Variants in LRRC37A3 observed in about 807,000 individuals in gnomAD.
LRRC37A3 encodes leucine-rich repeat-containing protein 37A3.
In LRRC37A3, 25 loss-of-function variants were observed where a neutral mutation model predicts 106.2. That is an observed-to-expected ratio of 0.24 (90% CI 0.17 to 0.33). LRRC37A3 has a LOEUF of 0.33. LRRC37A3 is among the 10% of genes least tolerant of loss of function. LRRC37A3 has a pLI of 1.00. For missense variants in LRRC37A3, 712 were observed against 1,644.9 expected (o/e 0.43, Z 9.81); for synonymous variants, 305 against 635.8 (o/e 0.48, Z 7.83).
intron 8 of LRRC37A3, among the ~76,000 whole-genome samples, chr17:64,877,569 G>A (rs1317687372): frequency 2.0e-5 from 3 of 152,182 alleles, no homozygotes; most frequent in African/African-American, 7.2e-5. Flanking sequence ...ATAGCAGTTA[G>A]GTTGGGCATT....
At position 64,858,842 on chromosome 17, in the gene LRRC37A3, G is replaced by A; in HGVS notation, c.4746C>T (p.Leu1582=). The change falls in exon 13 of 15, where the codon CTC becomes CTT. Residue 1582 remains leucine, a synonymous_variant. Coordinates refer to ENST00000584306, the MANE Select transcript of LRRC37A3 (RefSeq NM_199340.5). Reference sequence around the variant, plus strand: ...TTCCAGTCACAATTAACGCCAAGATGAGTTTTTTGGTATAGCCATATCCTG... The same window carrying A: ...TTCCAGTCACAATTAACGCCAAGATAAGTTTTTTGGTATAGCCATATCCTG... ...ELPGYGYTKK[L]ILALIVTGIL... The A allele has an allele frequency of 6.2e-7, 1 of 1,612,822 alleles. No homozygotes were observed. Among genetic ancestry groups the A allele is most frequent in the Non-Finnish European group, 8.5e-7 (1 of 1,179,372 alleles).
At chr17:64,914,221 T>C (rs1267714618) in intron 2 of LRRC37A3, among the ~76,000 whole-genome samples, 1 of 150,840 alleles carries the variant, frequency 6.6e-6, no homozygotes, top group Non-Finnish European at 1.5e-5. Flanking sequence ...CAAATGAAAA[T>C]GAAAATAAAA....
intron 8 of LRRC37A3, among the ~76,000 whole-genome samples, chr17:64,872,757 T>A (rs1973365329): frequency 6.6e-6 from 1 of 152,184 alleles, no homozygotes; most frequent in African/African-American, 2.4e-5. Flanking sequence ...TAAGACATAT[T>A]CCTGGCAATT....
chr17:64,863,034 G>A lies in LRRC37A3; in HGVS notation c.3054-16C>T, dbSNP rs181942904. ...AGGTACGATCCTATAGATGAAAACA[G>A]AGAGCAATAAATTAGCGGTAAAGCG... On this transcript the variant is annotated splice_polypyrimidine_tract_variant and intron_variant, in intron 10 of 14. Coordinates refer to ENST00000584306, the MANE Select transcript of LRRC37A3 (RefSeq NM_199340.5). 1.2e-5 allele frequency: 19 copies of A among 1,597,668 alleles called. No individual in the cohort carries two copies. Among genetic ancestry groups the A allele is most frequent in the Non-Finnish European group, 1.5e-5 (18 of 1,179,730 alleles).
rs539150894 is a variant in LRRC37A3 at position 64,879,168 on chromosome 17, GA to G, written c.2906+6917del. Among the ~76,000 whole-genome samples the G allele has an allele frequency of 1.4e-4, 22 of 152,020 alleles. No individual in the cohort carries two copies. In the South Asian group the frequency reaches 4.6e-3, roughly 32 times the overall value. On this transcript the variant is annotated intron_variant, in intron 8 of 14. Coordinates refer to ENST00000584306, the MANE Select transcript of LRRC37A3 (RefSeq NM_199340.5). Reference sequence around the variant, plus strand: ...GATTAGTAGTTACCTGGGCCTGCGGGAAGACAGCACTGGGGAGTGATGGCTA... The same window carrying G: ...GATTAGTAGTTACCTGGGCCTGCGGGAGACAGCACTGGGGAGTGATGGCTA...
Position 64,858,790 on chromosome 17 carries a change from A to G in LRRC37A3, c.4798T>C (p.Cys1600Arg). Residue 1600 changes from cysteine to arginine, a missense_variant, in exon 13 of 15, where the codon TGC (cysteine) becomes CGC (arginine). Physicochemically the swap from Cys to Arg is radical, Grantham distance 180. Transcript: ENST00000584306. ...GILTILIILL[C>R]LIEICCHRRS... ...ATTATTGTCCTTACCTCAATGAGGC[A>G]GAGAAGTATAATCAAAATCGTTAGT... is the stretch of plus-strand genomic sequence containing the variant. 6.2e-7 allele frequency: 1 copy of G among 1,609,530 alleles called. No homozygotes were observed. The highest frequency in any genetic ancestry group is 1.1e-5 in the South Asian group (1 of 90,974).
At chr17:64,914,442 C>A (rs1156864560) in intron 2 of LRRC37A3, among the ~76,000 whole-genome samples, 1 of 148,650 alleles carries the variant, frequency 6.7e-6, no homozygotes, top group Admixed American at 6.7e-5. Flanking sequence ...GCCTGTAATC[C>A]CAGCTACTTG....
At chr17:64,859,308 T>A (rs1300897373) in intron 12 of LRRC37A3, 134 bp downstream of exon 12, 1 of 996,466 alleles carries the variant, frequency 1.0e-6, no homozygotes, top group African/African-American at 1.6e-5. Context: ...AAGTGGGAGA[T>A]CACTGTCATG....
intron 13 of LRRC37A3, among the ~76,000 whole-genome samples, chr17:64,857,522 G>A (rs1040128854): frequency 1.3e-5 from 2 of 152,060 alleles, no homozygotes; most frequent in Non-Finnish European, 2.9e-5. Context: ...ACAGGGCCTC[G>A]CTGTGTTGCC....
chr17:64,859,692 A>T lies in LRRC37A3; in HGVS notation c.4454T>A (p.Ile1485Asn). 2 of 1,613,760 alleles carry T rather than the reference A, an allele frequency of 1.2e-6. No individual in the cohort carries two copies. Among genetic ancestry groups the T allele is most frequent in the Non-Finnish European group, 1.7e-6 (2 of 1,180,000 alleles). ...IQLTQQLQSVIPNNNVRRLIA... is the reference protein window; with the variant it reads ...IQLTQQLQSVNPNNNVRRLIA... ...GAGCCTTCTCACATTGTTGTTGGGGATAACGGACTGCAGCTGCTGGGTTAG... is the reference window on the plus strand; with the variant it reads ...GAGCCTTCTCACATTGTTGTTGGGGTTAACGGACTGCAGCTGCTGGGTTAG... Residue 1485 changes from isoleucine (I) to asparagine (N), a missense_variant, in exon 12 of 15, where the codon ATC (isoleucine) becomes AAC (asparagine). Ile to Asn is a moderately radical substitution (Grantham distance 149). Transcript: ENST00000584306.
At chr17:64,874,209 G>T (rs186384271) in intron 8 of LRRC37A3, among the ~76,000 whole-genome samples, 1,829 of 152,348 alleles carry the variant, frequency 0.012, 33 homozygotes, top group African/African-American at 0.042. Context: ...ACCAGCACTG[G>T]CAATAGAGTA....
At chr17:64,883,181 G>A (rs559079362) in intron 8 of LRRC37A3, among the ~76,000 whole-genome samples, 41 of 152,276 alleles carry the variant, frequency 2.7e-4, no homozygotes, top group Non-Finnish European at 4.7e-4. Flanking sequence ...GCAAATAAAT[G>A]TCCTCCTTTC....
chr17:64,873,439 C>G (rs918981163), intron 8 of LRRC37A3, among the ~76,000 whole-genome samples: 3 of 152,200 alleles, frequency 2.0e-5, no homozygotes, highest in East Asian at 1.9e-4. Context: ...GGGTTATAGG[C>G]ACAAGCCACC....
chr17:64,873,953 C>T (rs1973411024), intron 8 of LRRC37A3, among the ~76,000 whole-genome samples: 1 of 152,026 alleles, frequency 6.6e-6, no homozygotes, highest in Non-Finnish European at 1.5e-5. Flanking sequence ...CAAGGAACTA[C>T]AAGTAGGAAA....
chr17:64,870,907 T>C (rs925591610), intron 8 of LRRC37A3, among the ~76,000 whole-genome samples: 1 of 143,856 alleles, frequency 7.0e-6, no homozygotes, highest in African/African-American at 2.5e-5. Flanking sequence ...TCTTGCTCCA[T>C]TGACCAGGCT....
chr17:64,880,440 C>T (rs777022735), intron 8 of LRRC37A3, among the ~76,000 whole-genome samples: 14 of 152,312 alleles, frequency 9.2e-5, no homozygotes, highest in East Asian at 3.9e-4. Context: ...TGAGCCAGCG[C>T]GCCCAGCCTC....
intron 10 of LRRC37A3, among the ~76,000 whole-genome samples, chr17:64,865,720 A>G (rs888648672): frequency 7.9e-5 from 12 of 152,222 alleles, no homozygotes; most frequent in African/African-American, 2.9e-4. Context: ...ATTCTCCGAC[A>G]TAACCAGAGG....
rs1973171428 is a variant in LRRC37A3 at position 64,867,867 on chromosome 17, A to G, written c.3053+595T>C. The stretch of plus-strand genomic sequence containing the variant: ...GGCAGGCGGATCACTTGAGGTCAGG[A>G]GTTCGAAACCACCCTGGCCAACATG... On this transcript the variant is annotated intron_variant, in intron 10 of 14. Coordinates refer to ENST00000584306, the MANE Select transcript of LRRC37A3 (RefSeq NM_199340.5). Among the ~76,000 whole-genome samples, 6 of 152,084 alleles carry G rather than the reference A, an allele frequency of 3.9e-5. No homozygotes were observed. The South Asian group carries it at 1.2e-3, about 32-fold the overall frequency.
At chr17:64,872,210 CAAAAAAAAAAAAAA>C (rs60703427) in intron 8 of LRRC37A3, among the ~76,000 whole-genome samples, 1 of 61,864 alleles carries the variant, frequency 1.6e-5, no homozygotes, top group East Asian at 4.4e-4. Context: ...AAAAAATAGC[CAAAAAAAAAAAAAA>C]AAAAAAATTG....
Sources: allele counts gnomAD v4.1 joint callset (sites outside exome capture counted in the v4.1 genomes callset), GRCh38; gene constraint gnomAD v4.1.1; transcripts MANE v1.5; gene names NCBI Gene and HGNC (gene_info 2026-07-23, HGNC 2026-07-21).